The following MEF2C variants were observed in gnomAD, a reference collection of about 807,000 sequenced individuals.
The protein encoded by MEF2C is myocyte enhancer factor 2C, also known as myocyte-specific enhancer factor 2C.
A neutral mutation model predicts 50.5 loss-of-function variants in MEF2C; 6 were observed. The observed-to-expected ratio is 0.12, with a 90% CI of 0.07 to 0.23. The LOEUF is 0.23. MEF2C is among the 10% of genes least tolerant of loss of function. The pLI is 1.00. For synonymous variants in MEF2C, 183 were observed against 228.0 expected (o/e 0.80, Z 1.78); for missense variants, 276 against 605.0 (o/e 0.46, Z 5.70).
chr5:88,885,290 A>G (rs545676914), upstream of MEF2C, among the ~76,000 whole-genome samples: 6 of 152,314 alleles, frequency 3.9e-5, no homozygotes, highest in African/African-American at 1.4e-4. Context: ...CATTTAGGCA[A>G]CTGTCCCAAG....
upstream of MEF2C, chr5:88,883,647 C>T (rs1309331259): frequency 6.6e-6 from 1 of 152,064 alleles, no homozygotes; most frequent in Non-Finnish European, 1.5e-5. Context: ...TAATTTTGTC[C>T]TTGCCTTTGC....
chr5:88,889,984 A>G (rs1834358536), intron 1 of MEF2C, among the ~76,000 whole-genome samples: 1 of 152,172 alleles, frequency 6.6e-6, no homozygotes, highest in Admixed American at 6.5e-5. Flanking sequence ...AACCTGGGAG[A>G]GCAAGAGGGG....
chr5:88,731,974 G>A (rs1761876033), intron 6 of MEF2C, 73 bp from the exon 7 acceptor site: 5 of 1,372,350 alleles, frequency 3.6e-6, no homozygotes, highest in Non-Finnish European at 4.0e-6. Flanking sequence ...TACACAACAT[G>A]AGAATAAAAA....
At chr5:88,793,815 C>G (rs982059606) in intron 3 of MEF2C, among the ~76,000 whole-genome samples, 2 of 151,834 alleles carry the variant, frequency 1.3e-5, no homozygotes, top group Non-Finnish European at 2.9e-5. Context: ...CCACGACAGG[C>G]CCTGCTGTGT....
At chr5:88,818,247 A>C (rs1376588504) in intron 2 of MEF2C, among the ~76,000 whole-genome samples, 1 of 152,004 alleles carries the variant, frequency 6.6e-6, no homozygotes, top group African/African-American at 2.4e-5. Context: ...TTTTAAACAC[A>C]AAAGAAATGA....
chr5:88,853,620 T>C (rs1268570458), intron 1 of MEF2C, among the ~76,000 whole-genome samples: 1 of 152,226 alleles, frequency 6.6e-6, no homozygotes, highest in African/African-American at 2.4e-5. Context: ...TTGAATATCA[T>C]TTTGATTTTC....
chr5:88,729,415 AT>A, intron 8 of MEF2C, 68 bp from the exon 9 acceptor site: 2 of 1,367,322 alleles, frequency 1.5e-6, no homozygotes, highest in Non-Finnish European at 2.0e-6. Context: ...AGATTTCAGT[AT>A]TAGTTTTCCA....
intron 3 of MEF2C, among the ~76,000 whole-genome samples, chr5:88,780,430 G>T (rs190427935): frequency 2.0e-4 from 31 of 152,242 alleles, no homozygotes; most frequent in Non-Finnish European, 3.8e-4. Flanking sequence ...TGTGAAAAAG[G>T]TATGGCTCAG....
chr5:88,769,981 G>C (rs1781659605), intron 3 of MEF2C: 1 of 985,222 alleles, frequency 1.0e-6, no homozygotes, highest in Non-Finnish European at 1.2e-6. Context: ...GTTAAGAAAA[G>C]AAAGGCTGGA....
At chr5:88,806,452 C>T (rs1245551113) in intron 2 of MEF2C, among the ~76,000 whole-genome samples, 1 of 152,092 alleles carries the variant, frequency 6.6e-6, no homozygotes, top group African/African-American at 2.4e-5. Context: ...TTTTGGAATC[C>T]CCATCTCACC....
intron 1 of MEF2C, among the ~76,000 whole-genome samples, chr5:88,841,193 T>C (rs961638576): frequency 6.6e-6 from 1 of 152,124 alleles, no homozygotes; most frequent in Non-Finnish European, 1.5e-5. Context: ...AATGCCATTA[T>C]GTTAAAATAG....
In MEF2C at chr5:88,818,737, G is replaced by T. The variant is rs11956620; in HGVS notation, c.54+4998C>A. On this transcript the variant is annotated intron_variant, in intron 2 of 10. Transcript: ENST00000504921. ...TCTAGCCCCTTGTTGGCTTCTGAAG[G>T]CTCCTTTGTGCTCCTGCTCTACCTG... Among the ~76,000 whole-genome samples, 362 of 151,878 alleles carry T rather than the reference G, an allele frequency of 2.4e-3. 1 individual carries two copies. The highest frequency in any genetic ancestry group is 8.2e-3 in the African/African-American group (339 of 41,434).
chr5:88,740,125 T>A, intron 6 of MEF2C: 1 of 985,326 alleles, frequency 1.0e-6, no homozygotes, highest in Non-Finnish European at 1.2e-6. Context: ...GAGAGCTGTC[T>A]CTTCTCTTTG....
At chr5:88,866,039 G>A (rs1827247764) in intron 1 of MEF2C, among the ~76,000 whole-genome samples, 2 of 152,094 alleles carry the variant, frequency 1.3e-5, no homozygotes, top group Admixed American at 1.3e-4. Flanking sequence ...GGGGCTACAG[G>A]CGCCCGCAAC....
In MEF2C at chr5:88,722,472, A is replaced by G; in HGVS notation, c.*132T>C. On this transcript the variant is annotated 3_prime_UTR_variant, in exon 11 of 11. Transcript: ENST00000504921. ...TGAGGCAATTTAAAAGTACTTTTAC[A>G]AAACAGAGTACCTGACTTTTTTTTT... The G allele has an allele frequency of 1.3e-6, 1 of 779,540 alleles. No individual in the cohort carries two copies. Among genetic ancestry groups the G allele is most frequent in the Non-Finnish European group, 2.1e-6 (1 of 483,930 alleles). The allele number at this position is 779,540 out of a possible 1,614,324, so 48.3% of individuals were successfully genotyped here. A position where few individuals can be genotyped will look rare whatever the true frequency, so the allele number is the denominator to read the frequency against.
intron 3 of MEF2C, among the ~76,000 whole-genome samples, chr5:88,764,170 G>A (rs1213824486): frequency 6.6e-6 from 1 of 152,192 alleles, no homozygotes; most frequent in Non-Finnish European, 1.5e-5. Flanking sequence ...GCACATACAT[G>A]TGTGCTAAAT....
intron 1 of MEF2C, among the ~76,000 whole-genome samples, chr5:88,874,236 AT>A (rs1830415744): frequency 6.6e-6 from 1 of 151,970 alleles, no homozygotes; most frequent in Non-Finnish European, 1.5e-5. Flanking sequence ...CGAATTTTCT[AT>A]TTTAAAATTT....
chr5:88,804,360 T>A (rs1246801286), intron 3 of MEF2C, among the ~76,000 whole-genome samples: 2 of 152,170 alleles, frequency 1.3e-5, no homozygotes, highest in African/African-American at 4.8e-5. Context: ...TTGACACTGG[T>A]ACTTGATTTC....
chr5:88,771,309 C>T (rs1040206292), intron 3 of MEF2C: 6 of 524,226 alleles, frequency 1.1e-5, no homozygotes, highest in Non-Finnish European at 1.5e-5. Context: ...AGAAACACTG[C>T]TTTGATATAC....
Sources: allele counts gnomAD v4.1 joint callset (sites outside exome capture counted in the v4.1 genomes callset), GRCh38; gene constraint gnomAD v4.1.1; transcripts MANE v1.5; gene names NCBI Gene and HGNC (gene_info 2026-07-23, HGNC 2026-07-21).